The following NGEF variants were observed in gnomAD, a reference collection of about 807,000 sequenced individuals.
NGEF encodes ephexin-1.
In NGEF, 31 loss-of-function variants were observed where a neutral mutation model predicts 80.9. The observed-to-expected ratio is 0.38, with a 90% confidence interval of 0.29 to 0.52. The LOEUF is 0.52. Among genes scored for constraint, NGEF ranks in the 20% least tolerant of loss-of-function variants. The probability of loss-of-function intolerance (pLI) is 0.84; values close to 1 mark genes in which losing one functional copy is unlikely to be tolerated. For missense variants in NGEF, 709 were observed against 926.2 expected (o/e 0.77, Z 3.04); for synonymous variants, 371 against 370.2 (o/e 1.00, Z -0.03).
At chr2:232,993,237 T>TTTATTTATATATATCATATATAAATAA (rs1694710598) in intron 1 of NGEF, among the ~76,000 whole-genome samples, 1 of 114,230 alleles carries the variant, frequency 8.8e-6, no homozygotes, top group East Asian at 2.2e-4. Flanking sequence ...CATATATATG[T>TTTATTTATATATATCATATATAAATAA]ATATTTTCAG....
intron 3 of NGEF, among the ~76,000 whole-genome samples, chr2:232,961,844 C>T (rs1310687386): frequency 6.6e-6 from 1 of 152,146 alleles, no homozygotes; most frequent in East Asian, 1.9e-4. Flanking sequence ...GATGAATGGT[C>T]ACTGTGGCAA....
intron 5 of NGEF, among the ~76,000 whole-genome samples, chr2:232,904,509 G>A (rs922889682): frequency 2.6e-5 from 4 of 152,168 alleles, no homozygotes; most frequent in African/African-American, 7.2e-5. Flanking sequence ...GAGTACAGGC[G>A]TGAGCCACCA....
At chr2:232,885,103 C>T (rs1336447832) in intron 10 of NGEF, 177 bp downstream of exon 10, 62 of 605,768 alleles carry the variant, frequency 1.0e-4, no homozygotes, top group Middle Eastern at 4.3e-4. Flanking sequence ...TGGTGTCTGA[C>T]GCCTGGTGGC....
chr2:232,963,970 G>A (rs1340129056), intron 3 of NGEF, among the ~76,000 whole-genome samples: 2 of 152,020 alleles, frequency 1.3e-5, no homozygotes, highest in Non-Finnish European at 2.9e-5. Context: ...CACCATGAAT[G>A]GCCAATAAAC....
chr2:232,948,147 ATGTGTG>A (rs375640068), intron 3 of NGEF, among the ~76,000 whole-genome samples: 6,673 of 141,622 alleles, frequency 0.047, 250 homozygotes, highest in African/African-American at 0.09. Context: ...TAGCCTGGAG[ATGTGTG>A]TGTGTGTGTG....
chr2:232,984,467 C>G (rs1252786949), intron 1 of NGEF, among the ~76,000 whole-genome samples: 3 of 152,070 alleles, frequency 2.0e-5, no homozygotes, highest in Non-Finnish European at 4.4e-5. Context: ...GGATGGAAGT[C>G]CGATGCCAGA....
intron 1 of NGEF, among the ~76,000 whole-genome samples, chr2:232,990,312 T>A (rs1694625427): frequency 6.6e-6 from 1 of 152,074 alleles, no homozygotes; most frequent in Non-Finnish European, 1.5e-5. Flanking sequence ...TCAGGATAAT[T>A]GTATTAATAA....
At chr2:232,895,843 A>G (rs2106236592) in intron 5 of NGEF, among the ~76,000 whole-genome samples, 1 of 152,360 alleles carries the variant, frequency 6.6e-6, no homozygotes, top group East Asian at 1.9e-4. Context: ...AGAAATCCAT[A>G]ACCTGATCAA....
intron 3 of NGEF, among the ~76,000 whole-genome samples, chr2:232,963,065 A>G (rs1693986608): frequency 6.6e-6 from 1 of 151,954 alleles, no homozygotes; most frequent in South Asian, 2.1e-4. Flanking sequence ...AAATTTGTAC[A>G]GAAATGCAAA....
chr2:232,947,413 C>T (rs1307821415), intron 3 of NGEF, among the ~76,000 whole-genome samples: 1 of 152,144 alleles, frequency 6.6e-6, no homozygotes, highest in African/African-American at 2.4e-5. Flanking sequence ...TTGTATTCCC[C>T]ACACGTTGAG....
At chr2:232,905,514 G>A (rs975129845) in intron 5 of NGEF, 8 of 282,690 alleles carry the variant, frequency 2.8e-5, no homozygotes, top group South Asian at 1.4e-4. Context: ...AGCCTCTGCC[G>A]GTCCGCCACC....
chr2:232,995,574 A>AC (rs796502680), intron 1 of NGEF, among the ~76,000 whole-genome samples: 1 of 60,054 alleles, frequency 1.7e-5, no homozygotes, highest in African/African-American at 1.9e-4. Flanking sequence ...TATACTGTAT[A>AC]TATATATACA....
chr2:232,891,441 C>T lies in NGEF; in HGVS notation c.1189G>A (p.Asp397Asn), dbSNP rs140666386. Residue 397 changes from aspartate to asparagine, a missense_variant, in exon 8 of 15, where the codon GAC (aspartate) becomes AAC (asparagine). Asp to Asn is a conservative substitution (Grantham distance 23). Coordinates refer to ENST00000264051, the MANE Select transcript of NGEF (RefSeq NM_019850.3). Reference protein sequence around the residue: ...FRELIAQLELDPKCRGLPFSS... With the variant: ...FRELIAQLELNPKCRGLPFSS... ...AAGGGCAGCCCCCTGCACTTGGGGTCGAGCTCTAGCTGCGCGATCAGCTCC... is the reference window on the plus strand; with the variant it reads ...AAGGGCAGCCCCCTGCACTTGGGGTTGAGCTCTAGCTGCGCGATCAGCTCC... 7,514 of 1,613,320 alleles carry T rather than the reference C, an allele frequency of 4.7e-3. 48 individuals are homozygous for T. The highest frequency in any genetic ancestry group is 4.4e-3 in the Non-Finnish European group (5,183 of 1,179,944).
chr2:232,996,787 G>A (rs1694860034), intron 1 of NGEF, among the ~76,000 whole-genome samples: 1 of 151,982 alleles, frequency 6.6e-6, no homozygotes, highest in Admixed American at 6.5e-5. Flanking sequence ...GAGCCACAGC[G>A]CCTGGCATCG....
intron 1 of NGEF, among the ~76,000 whole-genome samples, chr2:233,012,355 T>C (rs6725244): frequency 0.43 from 64,727 of 150,460 alleles, 14,768 homozygotes; most frequent in Middle Eastern, 0.51. Flanking sequence ...ACTGTGTCCC[T>C]ACACATTTCA....
chr2:232,970,422 C>T, intron 2 of NGEF, 94 bp from the exon 3 acceptor site: 3 of 817,112 alleles, frequency 3.7e-6, no homozygotes, highest in Non-Finnish European at 5.9e-6. Context: ...AGCAGTCATG[C>T]TGGAAGGTGG....
chr2:232,902,795 G>A (rs1055126304), intron 5 of NGEF, among the ~76,000 whole-genome samples: 2 of 152,112 alleles, frequency 1.3e-5, no homozygotes, highest in African/African-American at 4.8e-5. Context: ...GAGGCCAGGA[G>A]TTCGATGGCC....
intron 5 of NGEF, among the ~76,000 whole-genome samples, chr2:232,919,141 C>T (rs750444897): frequency 7.2e-5 from 11 of 152,180 alleles, no homozygotes; most frequent in Non-Finnish European, 1.3e-4. Flanking sequence ...AAACCCAAGT[C>T]TCAGGTATAT....
chr2:232,968,338 T>C (rs2106319216), intron 3 of NGEF, among the ~76,000 whole-genome samples: 1 of 152,120 alleles, frequency 6.6e-6, no homozygotes, highest in Non-Finnish European at 1.5e-5. Flanking sequence ...TCTGCCCACC[T>C]CGGCTTCCCA....
Sources: gnomAD v4.1 joint callset for allele counts (sites outside exome capture counted in the v4.1 genomes callset) on GRCh38, gnomAD v4.1.1 for gene constraint, MANE v1.5 for transcripts, NCBI Gene and HGNC (gene_info 2026-07-23, HGNC 2026-07-21) for gene names.